CNIH1: variants seen among roughly 807,000 people sequenced by gnomAD.
CNIH1 encodes protein cornichon homolog 1.
CNIH1 carries 12 observed loss-of-function variants against 20.2 expected under a neutral mutation model. The ratio of observed to expected loss-of-function variants is 0.59; its 90% CI spans 0.38 to 0.96. CNIH1 has a LOEUF of 0.96. CNIH1 is among the 40% of genes least tolerant of loss of function. The pLI is 0.00. For missense variants in CNIH1, 152 were observed against 178.8 expected, an observed-to-expected ratio of 0.85 and a Z score of 0.85; for synonymous variants, 69 against 63.3, an observed-to-expected ratio of 1.09 and a Z score of -0.43.
chr14:54,436,202 A>T, intron 2 of CNIH1, 167 bp downstream of exon 2: 1 of 707,406 alleles, frequency 1.4e-6, no homozygotes. Flanking sequence ...CAGATTAATA[A>T]TAGAATAGTC....
chr14:54,427,885 T>C (rs1289804701), intron 4 of CNIH1, 44 bp from the exon 5 acceptor site: 3 of 1,590,590 alleles, frequency 1.9e-6, no homozygotes, highest in Middle Eastern at 1.7e-4. Flanking sequence ...TTACTAATTA[T>C]TAAAAAAAAA....
At chr14:54,432,493 T>C (rs903842019) in intron 2 of CNIH1, among the ~76,000 whole-genome samples, 3 of 152,170 alleles carry the variant, frequency 2.0e-5, no homozygotes, top group Admixed American at 2.0e-4. Context: ...CAGATCAAAT[T>C]ATATAAAGTT....
intron 4 of CNIH1, 24 bp downstream of exon 4, chr14:54,430,237 T>A: frequency 6.2e-7 from 1 of 1,611,406 alleles, no homozygotes; most frequent in Middle Eastern, 1.7e-4. Context: ...TGAAAGCATA[T>A]TTCATTTTAC....
intron 2 of CNIH1, among the ~76,000 whole-genome samples, chr14:54,435,815 A>T (rs2031043466): frequency 6.6e-6 from 1 of 152,234 alleles, no homozygotes; most frequent in South Asian, 2.1e-4. Flanking sequence ...TATGTTAACC[A>T]ACTTTCAAGT....
chr14:54,429,306 T>C (rs2030885930), intron 4 of CNIH1, among the ~76,000 whole-genome samples: 1 of 152,148 alleles, frequency 6.6e-6, no homozygotes, highest in African/African-American at 2.4e-5. Context: ...AGGAGGGTGC[T>C]CATGGCAACT....
At chr14:54,434,795 T>C (rs1228666149) in intron 2 of CNIH1, among the ~76,000 whole-genome samples, 3 of 152,200 alleles carry the variant, frequency 2.0e-5, no homozygotes, top group Non-Finnish European at 4.4e-5. Context: ...GGTTAAGATG[T>C]TTTAAAATTA....
rs1209664175 is a variant in CNIH1, at chr14:54,424,410, A to T, written c.*3404T>A. The T allele has an allele frequency of 6.6e-6, 1 of 152,248 alleles. No individual in the cohort carries two copies. Among genetic ancestry groups the T allele is most frequent in the Admixed American group, 6.5e-5 (1 of 15,290 alleles). The allele number at this position is 152,248 out of a possible 1,614,324, so 9.4% of individuals were successfully genotyped here. Reference sequence around the variant, plus strand: ...GGATGTTAAATGACATAAATAAGTAAACTAGACACATACTTTTAAATATAG... The same window carrying T: ...GGATGTTAAATGACATAAATAAGTATACTAGACACATACTTTTAAATATAG... On this transcript the variant is annotated 3_prime_UTR_variant, in exon 5 of 5. Transcript: ENST00000216416.
intron 1 of CNIH1, among the ~76,000 whole-genome samples, chr14:54,438,984 C>T (rs2031111764): frequency 1.3e-5 from 2 of 152,192 alleles, no homozygotes; most frequent in East Asian, 1.9e-4. Context: ...TACTCCCCCA[C>T]CATGAGTGGA....
Position 54,436,355 on chromosome 14 carries a change from A to G in CNIH1, c.150+14T>C, listed in dbSNP as rs1464843930. ...TTTTTAAAATCTAAAGATAAATCCT[A>G]TATTATAACTTACGGGATTCAGGGT... On this transcript the variant is annotated intron_variant, in intron 2 of 4. Transcript: ENST00000216416. The G allele has an allele frequency of 7.1e-7, 1 of 1,401,948 alleles. No individual in the cohort carries two copies. Among genetic ancestry groups the G allele is most frequent in the Admixed American group, 1.8e-5 (1 of 56,970 alleles). The allele number at this position is 1,401,948 out of a possible 1,614,324, so 86.8% of individuals were successfully genotyped here.
intron 4 of CNIH1, among the ~76,000 whole-genome samples, chr14:54,429,789 C>A (rs2030897878): frequency 6.6e-6 from 1 of 152,000 alleles, no homozygotes; most frequent in Non-Finnish European, 1.5e-5. Context: ...AACTGCACCA[C>A]CCTGTAAGGT....
intron 2 of CNIH1, among the ~76,000 whole-genome samples, chr14:54,434,193 T>C (rs925613689): frequency 8.5e-5 from 13 of 152,196 alleles, no homozygotes; most frequent in Non-Finnish European, 1.8e-4. Context: ...CAAATTTAAA[T>C]AGGGAAAACT....
intron 1 of CNIH1, among the ~76,000 whole-genome samples, chr14:54,440,331 T>C (rs1005405190): frequency 1.1e-4 from 17 of 152,354 alleles, no homozygotes; most frequent in Admixed American, 4.6e-4. Context: ...TTTTAATGAA[T>C]GATTTCCAGA....
In CNIH1 at chr14:54,432,172, G is replaced by T; in HGVS notation, c.199C>A (p.Leu67Ile). ...LIHAFFCVMF[L>I]CAAEWLTLGL... ...AGTGTAAGCCACTCTGCTGCACAAA[G>T]AAACATGACACAGAAGAAAGCGTGG... Residue 67 changes from leucine (L) to isoleucine (I), a missense_variant, in exon 3 of 5, where the codon CTT becomes ATT. This residue lies in a region of CNIH1 where 97 missense variants were observed against 100.6 expected (regional missense o/e 0.96). Coordinates refer to ENST00000216416, the MANE Select transcript of CNIH1 (RefSeq NM_005776.3). 1 of 1,568,762 alleles carries T rather than the reference G, an allele frequency of 6.4e-7. No homozygotes were observed. Among genetic ancestry groups the T allele is most frequent in the Non-Finnish European group, 8.7e-7 (1 of 1,155,964 alleles).
intron 3 of CNIH1, 106 bp downstream of exon 3, chr14:54,432,002 G>C (rs550934506): frequency 5.8e-5 from 29 of 500,942 alleles, no homozygotes; most frequent in African/African-American, 5.2e-4. Flanking sequence ...AATGCCAACT[G>C]ATCTTCCATT....
intron 2 of CNIH1, among the ~76,000 whole-genome samples, chr14:54,435,319 G>A (rs1008421893): frequency 3.9e-5 from 6 of 152,168 alleles, no homozygotes; most frequent in Middle Eastern, 3.4e-3. Context: ...GAGGCAGGAC[G>A]ATCACTTGAC....
intron 4 of CNIH1, among the ~76,000 whole-genome samples, chr14:54,428,278 T>C (rs1029982285): frequency 9.2e-5 from 14 of 152,224 alleles, no homozygotes; most frequent in African/African-American, 3.4e-4. Flanking sequence ...CCCCATTGTA[T>C]AGAAAGGAAT....
At chr14:54,436,895 C>A in intron 1 of CNIH1, 1 of 358,632 alleles carries the variant, frequency 2.8e-6, no homozygotes, top group Non-Finnish European at 5.4e-6. Flanking sequence ...CTCTATAATG[C>A]CATCGATATG....
At chr14:54,435,968 A>C in intron 2 of CNIH1, 2 of 636,324 alleles carry the variant, frequency 3.1e-6, no homozygotes. Context: ...CATAAACCTC[A>C]ACAGGCATAT....
chr14:54,434,258 G>T (rs1594617974), intron 2 of CNIH1, among the ~76,000 whole-genome samples: 1 of 152,186 alleles, frequency 6.6e-6, no homozygotes, highest in East Asian at 1.9e-4. Flanking sequence ...AAGGCAACCT[G>T]TGCTGCTATA....
Sources: gnomAD v4.1 joint callset for allele counts (sites outside exome capture counted in the v4.1 genomes callset) on GRCh38, gnomAD v4.1.1 for gene constraint, gnomAD v4.1.1 regional missense constraint, MANE v1.5 for transcripts, NCBI Gene and HGNC (gene_info 2026-07-23, HGNC 2026-07-21) for gene names.